RBFOX1: variants seen among roughly 807,000 people sequenced by gnomAD.
RBFOX1 encodes the protein RNA binding fox-1 homolog 1, also known as RNA binding protein fox-1 homolog 1.
RBFOX1 carries 8 observed loss-of-function variants against 57.7 expected under a neutral mutation model. That is an observed-to-expected ratio of 0.14 (90% CI 0.08 to 0.25). The LOEUF (loss-of-function observed/expected upper bound fraction) is 0.25, where lower values mean the gene tolerates loss of function less well. Among genes scored for constraint, RBFOX1 ranks in the 10% least tolerant of loss-of-function variants. The pLI, the probability that RBFOX1 is intolerant of heterozygous loss-of-function variation, is 1.00. For synonymous variants in RBFOX1, 326 were observed against 222.4 expected, an observed-to-expected ratio of 1.47 and a Z score of -4.15; for missense variants, 611 against 548.5, an observed-to-expected ratio of 1.11 and a Z score of -1.14.
chr16:5,710,578 G>A (rs2051448459), intron 3 of RBFOX1, among the ~76,000 whole-genome samples: 1 of 152,214 alleles, frequency 6.6e-6, no homozygotes, highest in African/African-American at 2.4e-5. Context: ...TTTCTTCTCT[G>A]ATTAAGGCTC....
At chr16:6,819,458 C>T (rs117530427) in intron 3 of RBFOX1, among the ~76,000 whole-genome samples, 5,292 of 152,144 alleles carry the variant, frequency 0.035, 154 homozygotes, top group Non-Finnish European at 0.056. Flanking sequence ...GAGGCCAGTA[C>T]TTAGGGAGGC....
intron 4 of RBFOX1, among the ~76,000 whole-genome samples, chr16:5,877,434 C>G (rs2057642168): frequency 6.6e-6 from 1 of 152,198 alleles, no homozygotes; most frequent in South Asian, 2.1e-4. Flanking sequence ...GAGTGAATAC[C>G]TAGAGGGGGC....
At chr16:6,883,379 C>G (rs887572145) in intron 3 of RBFOX1, among the ~76,000 whole-genome samples, 2 of 152,174 alleles carry the variant, frequency 1.3e-5, no homozygotes, top group Non-Finnish European at 2.9e-5. Context: ...AAATCACAGC[C>G]TTTAAAATCA....
chr16:7,227,386 C>G (rs1046770626), intron 4 of RBFOX1, among the ~76,000 whole-genome samples: 5 of 150,958 alleles, frequency 3.3e-5, no homozygotes, highest in African/African-American at 9.7e-5. Context: ...TAATCCTCCT[C>G]TCGTAACCTT....
intron 1 of RBFOX1, among the ~76,000 whole-genome samples, chr16:5,279,653 C>T (rs1364861598): frequency 1.3e-5 from 2 of 152,132 alleles, no homozygotes; most frequent in African/African-American, 4.8e-5. Flanking sequence ...AGGCACCTAC[C>T]ACCATGCCTG....
intron 4 of RBFOX1, among the ~76,000 whole-genome samples, chr16:7,228,005 C>T (rs1356194707): frequency 6.6e-6 from 1 of 152,182 alleles, no homozygotes; most frequent in Non-Finnish European, 1.5e-5. Flanking sequence ...CCTCAATCCA[C>T]AGGATACCAG....
intron 2 of RBFOX1, among the ~76,000 whole-genome samples, chr16:6,553,649 C>G (rs573997348): frequency 4.4e-4 from 67 of 152,090 alleles, no homozygotes; most frequent in African/African-American, 1.5e-3. Flanking sequence ...TCTCTCAGGA[C>G]AGGATGATAG....
chr16:5,372,144 C>T (rs1042526231), intron 1 of RBFOX1, among the ~76,000 whole-genome samples: 22 of 152,206 alleles, frequency 1.4e-4, no homozygotes, highest in African/African-American at 4.6e-4. Flanking sequence ...CATTCTTGAA[C>T]TGCCTTTGAA....
intron 14 of RBFOX1, among the ~76,000 whole-genome samples, chr16:7,683,686 C>T (rs1287946980): frequency 2.0e-5 from 3 of 151,794 alleles, no homozygotes; most frequent in Admixed American, 2.0e-4. Context: ...TGATAGGCCA[C>T]AAAAAAGGAA....
intron 11 of RBFOX1, among the ~76,000 whole-genome samples, chr16:7,635,094 G>A (rs751200141): frequency 6.6e-6 from 1 of 152,158 alleles, no homozygotes; most frequent in Non-Finnish European, 1.5e-5. Flanking sequence ...TATTGCCAGC[G>A]CTGTTTTGCA....
At position 5,548,171 on chromosome 16, in the gene RBFOX1, AAAAATATATAT is replaced by A. The variant is rs1327337507; in HGVS notation, c.259-50729_259-50719del. ...GCAAGACTCTGTTAAAAAAAAAAAA[AAAAATATATAT>A]ATATATATATATATATATATATAGA... On this transcript the variant is annotated intron_variant, in intron 2 of 2. Coordinates refer to the RBFOX1 transcript ENST00000585867. Among the ~76,000 whole-genome samples the A allele has an allele frequency of 2.9e-3, 109 of 37,514 alleles. 1 individual carries two copies. The highest frequency in any genetic ancestry group is 5.7e-3 in the East Asian group (4 of 702). 24.6% of individuals were successfully genotyped at this position (37,514 alleles called of 152,430 possible).
rs1318609964 is a variant in RBFOX1, at chr16:6,808,178, G to GTGTGTGTGTGTA, written c.-16+153529_-16+153530insGTGTGTGTGTAT. 2.2e-3 allele frequency among the ~76,000 whole-genome samples: 313 copies of GTGTGTGTGTGTA among 145,554 alleles called. 1 individual carries two copies. Among genetic ancestry groups the GTGTGTGTGTGTA allele is most frequent in the African/African-American group, 7.5e-3 (288 of 38,400 alleles). ...CTTATATATGTGTGTGTGTGTGTGT[G>GTGTGTGTGTGTA]TATATATATATATATATATATAGTT... On this transcript the variant is annotated intron_variant, in intron 3 of 15. Transcript: ENST00000550418.
chr16:6,241,353 A>G (rs2097539116), intron 1 of RBFOX1, among the ~76,000 whole-genome samples: 4 of 152,228 alleles, frequency 2.6e-5, no homozygotes, highest in African/African-American at 7.2e-5. Flanking sequence ...GTGGAAGATG[A>G]AACATACTGT....
rs1302174485 is a variant in RBFOX1 at position 6,697,882 on chromosome 16, A to T, written c.-16+43232A>T. 2.6e-5 allele frequency among the ~76,000 whole-genome samples: 4 copies of T among 152,196 alleles called. No homozygotes were observed. The East Asian group carries it at 7.7e-4, about 29-fold the overall frequency. ...CCCAGACAGTAGAAGAACAATTGTA[A>T]TCAAGGGTAGGATGTGGCCAGAAGA... On this transcript the variant is annotated intron_variant, in intron 3 of 15. Transcript: ENST00000550418.
rs192724410 is a variant in RBFOX1 at position 6,405,249 on chromosome 16, T to C, written c.-64+88192T>C. ...GGGATTTTATCACAGTTAGAGGGTG[T>C]TTTGAGATGGGCTGCAAATCCTCTG... is the stretch of plus-strand genomic sequence containing the variant. On this transcript the variant is annotated intron_variant, in intron 2 of 15. Transcript: ENST00000550418. Among the ~76,000 whole-genome samples the C allele has an allele frequency of 5.7e-4, 87 of 152,278 alleles. 1 individual carries two copies. The highest frequency in any genetic ancestry group is 1.4e-3 in the Admixed American group (22 of 15,288).
intron 3 of RBFOX1, among the ~76,000 whole-genome samples, chr16:5,676,324 C>T (rs1045567866): frequency 6.6e-6 from 1 of 151,996 alleles, no homozygotes; most frequent in Admixed American, 6.6e-5. Flanking sequence ...TCTATACTTG[C>T]ATCTATCACT....
At chr16:5,831,018 C>T (rs972304054) in intron 3 of RBFOX1, among the ~76,000 whole-genome samples, 1 of 152,164 alleles carries the variant, frequency 6.6e-6, no homozygotes, top group Non-Finnish European at 1.5e-5. Flanking sequence ...GTAAATTAAC[C>T]TTGCTAATGC....
intron 3 of RBFOX1, among the ~76,000 whole-genome samples, chr16:5,811,294 C>T (rs2055422439): frequency 6.6e-6 from 1 of 151,602 alleles, no homozygotes; most frequent in Non-Finnish European, 1.5e-5. Context: ...CCATCATGCC[C>T]AGCTAATTTT....
At chr16:7,137,857 G>C (rs1034913698) in intron 4 of RBFOX1, among the ~76,000 whole-genome samples, 2 of 152,170 alleles carry the variant, frequency 1.3e-5, no homozygotes, top group East Asian at 1.9e-4. Context: ...TGTTTTGGCT[G>C]ATTTTTATTG....
Sources: allele counts gnomAD v4.1 joint callset (sites outside exome capture counted in the v4.1 genomes callset), GRCh38; gene constraint gnomAD v4.1.1; transcripts MANE v1.5; gene names NCBI Gene and HGNC (gene_info 2026-07-23, HGNC 2026-07-21).